The following PDE9A variants were observed in gnomAD, a reference collection of about 807,000 sequenced individuals.
PDE9A encodes the protein phosphodiesterase 9A.
A neutral mutation model predicts 87.4 loss-of-function variants in PDE9A; 60 were observed. The observed-to-expected ratio is 0.69, with a 90% CI of 0.56 to 0.85. The LOEUF is 0.85. PDE9A is among the 40% of genes least tolerant of loss of function. The pLI is 0.00. For synonymous variants in PDE9A, 272 were observed against 279.4 expected, an observed-to-expected ratio of 0.97 and a Z score of 0.27; for missense variants, 665 against 779.0, an observed-to-expected ratio of 0.85 and a Z score of 1.74.
At position 42,704,080 on chromosome 21, in the gene PDE9A, C is replaced by T. The variant is rs1355425797; in HGVS notation, c.262+5069C>T. ...ACGGCAGCACGAGGCTGGTACGAGACAGGTGCTTCAGGTGTTTGTTGAGAG... is the reference window on the plus strand; with the variant it reads ...ACGGCAGCACGAGGCTGGTACGAGATAGGTGCTTCAGGTGTTTGTTGAGAG... On this transcript the variant is annotated intron_variant, in intron 4 of 19. Transcript: ENST00000291539. This position sits in a 1 kb window ranked among gnomAD's most constrained non-coding sequence, Gnocchi z 5.3. 6.6e-6 allele frequency among the ~76,000 whole-genome samples: 1 copy of T among 152,176 alleles called. No individual in the cohort carries two copies. The highest frequency in any genetic ancestry group is 2.4e-5 in the African/African-American group (1 of 41,440).
rs201431891 is a variant in PDE9A, at chr21:42,751,446, C to T, written c.735+249C>T. On this transcript the variant is annotated intron_variant, in intron 9 of 19. Transcript: ENST00000291539. ...TAACAGCTCCGTGCTGCTGTCTGCC[C>T]GGCCCCGGGAGCTGACCTGGGTAGA... 3.1e-4 allele frequency among the ~76,000 whole-genome samples: 47 copies of T among 152,304 alleles called. 1 individual carries two copies. The East Asian group carries it at 6.7e-3, about 22-fold the overall frequency.
At chr21:42,766,630 C>T (rs755204710) in intron 15 of PDE9A, among the ~76,000 whole-genome samples, 4 of 152,266 alleles carry the variant, frequency 2.6e-5, no homozygotes, top group Admixed American at 6.5e-5. Flanking sequence ...TGGGAGCTCC[C>T]GCAGGCAAGG....
In PDE9A at chr21:42,682,822, G is replaced by A. The variant is rs1208256552; in HGVS notation, c.70-3370G>A. 3.9e-5 allele frequency among the ~76,000 whole-genome samples: 6 copies of A among 152,170 alleles called. 1 individual carries two copies. Among genetic ancestry groups the A allele is most frequent in the Non-Finnish European group, 8.8e-5 (6 of 68,028 alleles). On this transcript the variant is annotated intron_variant, in intron 1 of 19. Coordinates refer to ENST00000291539, the MANE Select transcript of PDE9A (RefSeq NM_002606.3). Reference sequence around the variant, plus strand: ...GCAAATGAGCGTCGTTCTCACGCACGTCTCTCAGGCTTAGGCTCGGTTGCA... The same window carrying A: ...GCAAATGAGCGTCGTTCTCACGCACATCTCTCAGGCTTAGGCTCGGTTGCA...
chr21:42,736,390 T>C (rs1041526473), intron 7 of PDE9A, among the ~76,000 whole-genome samples: 9 of 152,138 alleles, frequency 5.9e-5, no homozygotes, highest in Non-Finnish European at 8.8e-5. Flanking sequence ...CCATAGGACC[T>C]TCCCCCCTAG....
chr21:42,668,895 T>TCCCCCCCCCC (rs1229611821), intron 1 of PDE9A, among the ~76,000 whole-genome samples: 9 of 99,662 alleles, frequency 9.0e-5, no homozygotes, highest in African/African-American at 3.3e-4. Flanking sequence ...AGCTGCTCCC[T>TCCCCCCCCCC]CCACCCCCCG....
Position 42,690,561 on chromosome 21 carries a change from G to C in PDE9A, c.218+2567G>C, listed in dbSNP as rs894848162. On this transcript the variant is annotated intron_variant, in intron 3 of 19. Transcript: ENST00000291539. ...CGTGGCTGGGGGCGGCACGTGCTGA[G>C]ATGTGGCTGTATTTGTCCCCCAGGC... is the stretch of plus-strand genomic sequence containing the variant. 8.6e-5 allele frequency among the ~76,000 whole-genome samples: 13 copies of C among 151,980 alleles called. 1 individual carries two copies.
chr21:42,719,725 T>C (rs1017690453), intron 4 of PDE9A, among the ~76,000 whole-genome samples: 1 of 152,094 alleles, frequency 6.6e-6, no homozygotes, highest in Non-Finnish European at 1.5e-5. Context: ...CTATTGTGTA[T>C]CCTACTGATA....
At position 42,760,350 on chromosome 21, in the gene PDE9A, G is replaced by A; in HGVS notation, c.920G>A (p.Arg307Lys). The change falls in exon 12 of 20, where the codon AGA becomes AAA. Residue 307 changes from arginine (R) to lysine (K), a missense_variant. Arg to Lys is a conservative substitution (Grantham distance 26). Coordinates refer to ENST00000291539, the MANE Select transcript of PDE9A (RefSeq NM_002606.3). This position sits in a 1 kb window ranked among gnomAD's most constrained non-coding sequence, Gnocchi z 5.2. The part of the protein sequence containing the change: ...RWLFCVHDNY[R>K]NNPFHNFRHC... Reference sequence around the variant, plus strand: ...CAGTTCTGCGTCCACGACAACTACAGAAACAACCCCTTCCACAACTTCCGG... The same window carrying A: ...CAGTTCTGCGTCCACGACAACTACAAAAACAACCCCTTCCACAACTTCCGG... 1 of 1,609,518 alleles carries A rather than the reference G, an allele frequency of 6.2e-7. No homozygotes were observed. Among genetic ancestry groups the A allele is most frequent in the East Asian group, 2.2e-5 (1 of 44,870 alleles).
intron 10 of PDE9A, 72 bp from the exon 11 acceptor site, chr21:42,758,927 A>G: frequency 8.5e-7 from 1 of 1,178,596 alleles, no homozygotes; most frequent in Non-Finnish European, 1.3e-6. Context: ...AGGACAGCAG[A>G]GGGAAGGAAG....
At chr21:42,738,599 C>T (rs1002396079) in intron 7 of PDE9A, among the ~76,000 whole-genome samples, 1 of 152,188 alleles carries the variant, frequency 6.6e-6, no homozygotes, top group African/African-American at 2.4e-5. Context: ...CCAAAGCCAG[C>T]GTCTGTCAGA....
At chr21:42,770,318 C>T (rs533993928) in intron 17 of PDE9A, among the ~76,000 whole-genome samples, 49 of 152,300 alleles carry the variant, frequency 3.2e-4, no homozygotes, top group African/African-American at 1.1e-3. Context: ...TGGGCTCCTA[C>T]GCTGCGCATC....
At chr21:42,729,348 A>C (rs1486136493) in intron 4 of PDE9A, among the ~76,000 whole-genome samples, 1 of 152,080 alleles carries the variant, frequency 6.6e-6, no homozygotes, top group Admixed American at 6.6e-5. Flanking sequence ...TCCCTCTTTC[A>C]TTCCTGATAT....
At position 42,686,281 on chromosome 21, in the gene PDE9A, C is replaced by G. The variant is rs761895780; in HGVS notation, c.140+19C>G. 6.8e-6 allele frequency: 11 copies of G among 1,607,012 alleles called. No individual in the cohort carries two copies. Among genetic ancestry groups the G allele is most frequent in the Middle Eastern group, 1.6e-4 (1 of 6,064 alleles). ...TGCCTCGGTGAGTGCGCGCTGCGGG[C>G]TCTGCCCGGTGACGCCACGCGGCCT... On this transcript the variant is annotated intron_variant, in intron 2 of 19. Transcript: ENST00000291539.
chr21:42,654,829 C>G (rs1468699161), intron 1 of PDE9A, among the ~76,000 whole-genome samples: 1 of 152,150 alleles, frequency 6.6e-6, no homozygotes, highest in East Asian at 1.9e-4. Context: ...GCTTGATCCC[C>G]GTGAAATGGA....
chr21:42,700,501 T>G (rs1278926971), intron 4 of PDE9A, among the ~76,000 whole-genome samples: 1 of 152,178 alleles, frequency 6.6e-6, no homozygotes, highest in Non-Finnish European at 1.5e-5. Context: ...CTGACGTTTC[T>G]CTCACGACCA....
At chr21:42,693,133 C>T (rs1413434641) in intron 3 of PDE9A, among the ~76,000 whole-genome samples, 1 of 152,212 alleles carries the variant, frequency 6.6e-6, no homozygotes, top group Non-Finnish European at 1.5e-5. Context: ...ACACAGGTGC[C>T]TGAGCTCCTG....
rs961595807 is a variant in PDE9A, at chr21:42,702,203, C to T, written c.262+3192C>T. Among the ~76,000 whole-genome samples, 4 of 151,558 alleles carry T rather than the reference C, an allele frequency of 2.6e-5. No individual in the cohort carries two copies. Among genetic ancestry groups the T allele is most frequent in the Non-Finnish European group, 4.4e-5 (3 of 67,960 alleles). On this transcript the variant is annotated intron_variant, in intron 4 of 19. Coordinates refer to ENST00000291539, the MANE Select transcript of PDE9A (RefSeq NM_002606.3). The surrounding 1 kb of genome is among the most constrained non-coding windows in gnomAD (Gnocchi z 4.9). ...TTATTTTTCTTAGACTTTTCCGTGACGTCTTCCATTGCACTGGTCTTCCCT... is the reference window on the plus strand; with the variant it reads ...TTATTTTTCTTAGACTTTTCCGTGATGTCTTCCATTGCACTGGTCTTCCCT...
chr21:42,700,615 T>C lies in PDE9A; in HGVS notation c.262+1604T>C, dbSNP rs763748805. On this transcript the variant is annotated intron_variant, in intron 4 of 19. Coordinates refer to ENST00000291539, the MANE Select transcript of PDE9A (RefSeq NM_002606.3). Reference sequence around the variant, plus strand: ...AGTTACTGTTGATCTCCTTCCCTGCTCTTCTTTGAAAGCAAGTCACGAAGT... The same window carrying C: ...AGTTACTGTTGATCTCCTTCCCTGCCCTTCTTTGAAAGCAAGTCACGAAGT... 1.1e-4 allele frequency: 17 copies of C among 152,302 alleles called. 1 individual carries two copies. Among genetic ancestry groups the C allele is most frequent in the Admixed American group, 3.3e-4 (5 of 15,294 alleles). 9.4% of individuals were successfully genotyped at this position (152,302 alleles called of 1,614,324 possible).
chr21:42,677,021 A>G (rs1365168877), intron 1 of PDE9A, among the ~76,000 whole-genome samples: 1 of 152,112 alleles, frequency 6.6e-6, no homozygotes, highest in Non-Finnish European at 1.5e-5. Context: ...CTTGGGGAGG[A>G]GCAGAGCCCG....
Sources: allele counts gnomAD v4.1 joint callset (sites outside exome capture counted in the v4.1 genomes callset), GRCh38; gene constraint gnomAD v4.1.1; non-coding constraint Gnocchi (gnomAD v3.1); transcripts MANE v1.5; gene names NCBI Gene and HGNC (gene_info 2026-07-23, HGNC 2026-07-21).